The following CSMD1 variants were observed in gnomAD, a reference collection of about 807,000 sequenced individuals.
CSMD1 encodes the protein CUB and Sushi multiple domains 1.
A neutral mutation model predicts 417.5 loss-of-function variants in CSMD1; 213 were observed. The ratio of observed to expected loss-of-function variants is 0.51; its 90% CI spans 0.46 to 0.57. The LOEUF (loss-of-function observed/expected upper bound fraction) is 0.57, where lower values mean the gene tolerates loss of function less well. CSMD1 is among the 20% of genes least tolerant of loss of function. CSMD1 has a pLI of 0.00. For missense variants in CSMD1, 6,923 were observed against 4,529.7 expected, an observed-to-expected ratio of 1.53 and a Z score of -15.17; for synonymous variants, 2,862 against 1,736.8, an observed-to-expected ratio of 1.65 and a Z score of -16.11.
At chr8:4,824,504 G>T (rs1344575501) in intron 1 of CSMD1, among the ~76,000 whole-genome samples, 1 of 152,200 alleles carries the variant, frequency 6.6e-6, no homozygotes, top group South Asian at 2.1e-4. Flanking sequence ...AAACAGAGTA[G>T]TCCCAATTAA....
intron 20 of CSMD1, among the ~76,000 whole-genome samples, chr8:3,366,067 T>G (rs530385012): frequency 1.3e-5 from 2 of 152,280 alleles, no homozygotes; most frequent in South Asian, 4.1e-4. Context: ...TAGAATAAAT[T>G]ACATGTGACT....
chr8:3,721,994 G>T (rs1183208292), intron 6 of CSMD1, among the ~76,000 whole-genome samples: 1 of 152,100 alleles, frequency 6.6e-6, no homozygotes, highest in East Asian at 1.9e-4. Flanking sequence ...CCCCCCACAA[G>T]CCAGTACACA....
chr8:4,915,944 T>A (rs1025058612), intron 1 of CSMD1, among the ~76,000 whole-genome samples: 1 of 152,158 alleles, frequency 6.6e-6, no homozygotes, highest in African/African-American at 2.4e-5. Flanking sequence ...GCAAGTGGCA[T>A]CTCTTCCACA....
At chr8:4,493,229 G>A (rs1801797539) in intron 2 of CSMD1, among the ~76,000 whole-genome samples, 2 of 151,998 alleles carry the variant, frequency 1.3e-5, no homozygotes, top group Admixed American at 1.3e-4. Context: ...AATATATTAG[G>A]TAAAATAATT....
At chr8:4,492,694 A>C (rs1024707048) in intron 2 of CSMD1, among the ~76,000 whole-genome samples, 8 of 152,138 alleles carry the variant, frequency 5.3e-5, no homozygotes, top group African/African-American at 1.9e-4. Flanking sequence ...GATTTTTGAG[A>C]ATGAGTCGTC....
chr8:3,668,223 C>A (rs1379240860), intron 7 of CSMD1, among the ~76,000 whole-genome samples: 1 of 152,098 alleles, frequency 6.6e-6, no homozygotes, highest in African/African-American at 2.4e-5. Context: ...AAACTGACAT[C>A]CGTCCACCAC....
intron 6 of CSMD1, among the ~76,000 whole-genome samples, chr8:3,744,808 ATTTTG>A (rs1796987119): frequency 1.0e-5 from 1 of 99,240 alleles, no homozygotes; most frequent in East Asian, 4.8e-4. Context: ...ATTCTTATTT[ATTTTG>A]TTTCATATAT....
At chr8:3,771,362 A>G (rs1005659118) in intron 5 of CSMD1, among the ~76,000 whole-genome samples, 4 of 152,136 alleles carry the variant, frequency 2.6e-5, no homozygotes, top group Non-Finnish European at 5.9e-5. Context: ...TTCAGACGGC[A>G]TTGCTTCACA....
At chr8:4,209,909 T>C (rs989215135) in intron 3 of CSMD1, among the ~76,000 whole-genome samples, 5 of 152,190 alleles carry the variant, frequency 3.3e-5, no homozygotes, top group Admixed American at 6.5e-5. Flanking sequence ...GTGGTCTCCA[T>C]GGAAAGCGGT....
chr8:4,775,366 G>C (rs149359522), intron 1 of CSMD1, among the ~76,000 whole-genome samples: 1 of 152,164 alleles, frequency 6.6e-6, no homozygotes, highest in Non-Finnish European at 1.5e-5. Flanking sequence ...TTATAGAAAA[G>C]TGTTATTCAA....
intron 21 of CSMD1, among the ~76,000 whole-genome samples, chr8:3,356,589 T>C (rs932919878): frequency 4.6e-5 from 7 of 152,134 alleles, no homozygotes; most frequent in African/African-American, 1.7e-4. Flanking sequence ...GCAGGAGAAT[T>C]GCTTGAACCT....
intron 2 of CSMD1, among the ~76,000 whole-genome samples, chr8:4,456,732 CCTTA>C (rs1799510955): frequency 6.6e-6 from 1 of 152,098 alleles, no homozygotes; most frequent in Admixed American, 6.5e-5. Flanking sequence ...CTGCATCAGT[CCTTA>C]CTGTCTAGTT....
chr8:3,988,535 C>G (rs1042708119), intron 5 of CSMD1, among the ~76,000 whole-genome samples: 10 of 152,184 alleles, frequency 6.6e-5, no homozygotes, highest in African/African-American at 2.2e-4. Flanking sequence ...CAGAGAATCT[C>G]TGGACTCACT....
chr8:3,831,448 C>T (rs76130490), intron 5 of CSMD1, among the ~76,000 whole-genome samples: 2,283 of 152,184 alleles, frequency 0.015, 52 homozygotes, highest in African/African-American at 0.051. Flanking sequence ...AAGGAAACAT[C>T]CAGGAGATTC....
At chr8:4,538,944 T>C (rs1018844023) in intron 2 of CSMD1, among the ~76,000 whole-genome samples, 1 of 152,132 alleles carries the variant, frequency 6.6e-6, no homozygotes, top group East Asian at 1.9e-4. Flanking sequence ...GAAAGCTTTA[T>C]TTTTTCAGCA....
intron 7 of CSMD1, among the ~76,000 whole-genome samples, chr8:3,677,439 C>T (rs914552741): frequency 6.6e-6 from 1 of 152,176 alleles, no homozygotes; most frequent in African/African-American, 2.4e-5. Context: ...TCCCACAGTA[C>T]AGGTTGTCAG....
chr8:3,957,968 T>A (rs2129950644), intron 5 of CSMD1, among the ~76,000 whole-genome samples: 1 of 152,264 alleles, frequency 6.6e-6, no homozygotes, highest in South Asian at 2.1e-4. Flanking sequence ...TTTGAAAATA[T>A]TTTTACTTTC....
At chr8:3,298,686 T>G (rs139343087) in intron 25 of CSMD1, among the ~76,000 whole-genome samples, 2,332 of 152,338 alleles carry the variant, frequency 0.015, 62 homozygotes, top group African/African-American at 0.053. Context: ...ACTCCTGATC[T>G]CAGGTAATCT....
intron 7 of CSMD1, among the ~76,000 whole-genome samples, chr8:3,692,503 G>A (rs566109669): frequency 7.2e-4 from 101 of 140,470 alleles, no homozygotes; most frequent in Non-Finnish European, 1.0e-3. Flanking sequence ...GTGCACTGGC[G>A]CGATATCGGC....
Sources: gnomAD v4.1 joint callset for allele counts (sites outside exome capture counted in the v4.1 genomes callset) on GRCh38, gnomAD v4.1.1 for gene constraint, MANE v1.5 for transcripts, NCBI Gene and HGNC (gene_info 2026-07-23, HGNC 2026-07-21) for gene names.